TBC1D22A: variants seen among roughly 807,000 people sequenced by gnomAD.
The protein encoded by TBC1D22A is putative GTPase activator.
Under a neutral mutation model 60.2 loss-of-function variants are expected in TBC1D22A, and 38 were observed. The ratio of observed to expected loss-of-function variants is 0.63; its 90% CI spans 0.49 to 0.83. The LOEUF is 0.83. TBC1D22A is among the 40% of genes least tolerant of loss of function. The pLI is 0.00. For missense variants in TBC1D22A, 628 were observed against 701.0 expected (o/e 0.90, Z 1.18); for synonymous variants, 302 against 281.7 (o/e 1.07, Z -0.72).
chr22:46,842,737 A>G (rs1292347824), intron 4 of TBC1D22A, among the ~76,000 whole-genome samples: 1 of 152,254 alleles, frequency 6.6e-6, no homozygotes, highest in Non-Finnish European at 1.5e-5. Flanking sequence ...TTGGCAGTGC[A>G]CACACTGTGT....
chr22:46,865,822 T>C (rs1489568945), intron 4 of TBC1D22A, among the ~76,000 whole-genome samples: 1 of 152,074 alleles, frequency 6.6e-6, no homozygotes, highest in East Asian at 1.9e-4. Flanking sequence ...CTATTGAAAA[T>C]GCCAAAAAAG....
chr22:47,062,553 G>A (rs1042326771), intron 11 of TBC1D22A, among the ~76,000 whole-genome samples: 3 of 152,098 alleles, frequency 2.0e-5, no homozygotes, highest in African/African-American at 7.2e-5. Flanking sequence ...TTTCTACAGT[G>A]CATGGTGCTT....
chr22:46,946,492 C>T (rs951986173), intron 8 of TBC1D22A, among the ~76,000 whole-genome samples: 7 of 152,236 alleles, frequency 4.6e-5, no homozygotes, highest in Non-Finnish European at 7.4e-5. Context: ...AGCCTGAGGC[C>T]GGCCAGCCAG....
At chr22:47,143,701 G>C (rs542129626) in intron 12 of TBC1D22A, among the ~76,000 whole-genome samples, 1 of 152,202 alleles carries the variant, frequency 6.6e-6, no homozygotes, top group East Asian at 1.9e-4. Flanking sequence ...GCTCTCTGAC[G>C]GGTGCCTAGT....
chr22:47,154,434 GC>G (rs551807662), intron 12 of TBC1D22A, among the ~76,000 whole-genome samples: 5 of 152,164 alleles, frequency 3.3e-5, no homozygotes, highest in African/African-American at 9.6e-5. Context: ...GCCTGGAAAT[GC>G]CCCCCCGCTT....
intron 4 of TBC1D22A, among the ~76,000 whole-genome samples, chr22:46,864,963 A>G (rs1285697759): frequency 6.6e-6 from 1 of 152,152 alleles, no homozygotes; most frequent in African/African-American, 2.4e-5. Context: ...TGAGCCTCCC[A>G]TCACTGTGCT....
At chr22:46,851,362 C>G (rs2087268610) in intron 4 of TBC1D22A, among the ~76,000 whole-genome samples, 1 of 152,244 alleles carries the variant, frequency 6.6e-6, no homozygotes, top group Admixed American at 6.5e-5. Context: ...AGGCATGGCT[C>G]TCAGGTCACA....
At chr22:46,815,868 C>T (rs763644220) in intron 4 of TBC1D22A, among the ~76,000 whole-genome samples, 1 of 151,876 alleles carries the variant, frequency 6.6e-6, no homozygotes, top group Non-Finnish European at 1.5e-5. Flanking sequence ...AGAGGGCCTG[C>T]GTGGAGGGGA....
intron 4 of TBC1D22A, among the ~76,000 whole-genome samples, chr22:46,841,612 T>A (rs1373345670): frequency 6.6e-6 from 1 of 152,234 alleles, no homozygotes; most frequent in Non-Finnish European, 1.5e-5. Context: ...TTCATCATCT[T>A]CCTTATATGT....
intron 11 of TBC1D22A, among the ~76,000 whole-genome samples, chr22:47,047,407 C>T (rs2063066501): frequency 6.6e-6 from 1 of 152,190 alleles, no homozygotes; most frequent in African/African-American, 2.4e-5. Flanking sequence ...ATCACCTGTG[C>T]AGGGCAGCGT....
chr22:46,943,651 C>A (rs1482297915), intron 8 of TBC1D22A, among the ~76,000 whole-genome samples: 1 of 152,222 alleles, frequency 6.6e-6, no homozygotes, highest in African/African-American at 2.4e-5. Flanking sequence ...ACAATTGCCA[C>A]ACTCTTGTTC....
intron 10 of TBC1D22A, among the ~76,000 whole-genome samples, chr22:47,035,119 AC>A (rs1374080614): frequency 1.3e-5 from 2 of 151,980 alleles, no homozygotes; most frequent in Non-Finnish European, 2.9e-5. Context: ...AAGCCAACCA[AC>A]CCCCTGCTGT....
chr22:47,026,250 G>T (rs1035024723), intron 10 of TBC1D22A, among the ~76,000 whole-genome samples: 8 of 152,190 alleles, frequency 5.3e-5, no homozygotes, highest in African/African-American at 1.9e-4. Flanking sequence ...GAGCATGTTC[G>T]ATGTTTAAAC....
intron 6 of TBC1D22A, among the ~76,000 whole-genome samples, chr22:46,894,052 C>T (rs947510018): frequency 2.8e-4 from 43 of 152,226 alleles, no homozygotes; most frequent in African/African-American, 1.0e-3. Flanking sequence ...GCAATTGCAG[C>T]ATCTCCCTTG....
chr22:46,768,794 T>C (rs1418719818), intron 1 of TBC1D22A, among the ~76,000 whole-genome samples: 1 of 151,942 alleles, frequency 6.6e-6, no homozygotes, highest in African/African-American at 2.4e-5. Context: ...GTATGACGTT[T>C]GAAAGTGGCA....
chr22:47,041,515 A>G (rs1446844141), intron 11 of TBC1D22A, among the ~76,000 whole-genome samples: 1 of 152,214 alleles, frequency 6.6e-6, no homozygotes, highest in Non-Finnish European at 1.5e-5. Flanking sequence ...TGGAGGCTCT[A>G]GATTGCCTAC....
At chr22:46,854,544 C>T (rs947130572) in intron 4 of TBC1D22A, among the ~76,000 whole-genome samples, 1 of 152,100 alleles carries the variant, frequency 6.6e-6, no homozygotes, top group Non-Finnish European at 1.5e-5. Context: ...CCACCCCCAC[C>T]TGTTCTTGTT....
At chr22:46,956,077 A>G (rs1404395313) in intron 8 of TBC1D22A, among the ~76,000 whole-genome samples, 1 of 152,062 alleles carries the variant, frequency 6.6e-6, no homozygotes, top group East Asian at 1.9e-4. Flanking sequence ...AGGACATAAA[A>G]CTTCATATTT....
intron 8 of TBC1D22A, among the ~76,000 whole-genome samples, chr22:46,932,195 T>C (rs1238115670): frequency 6.6e-6 from 1 of 152,228 alleles, no homozygotes; most frequent in African/African-American, 2.4e-5. Flanking sequence ...AGCAGGTCAT[T>C]ACATGATCAC....
Sources: allele counts gnomAD v4.1 joint callset (sites outside exome capture counted in the v4.1 genomes callset), GRCh38; gene constraint gnomAD v4.1.1; transcripts MANE v1.5; gene names NCBI Gene and HGNC (gene_info 2026-07-23, HGNC 2026-07-21).